The following CC2D2B variants were observed in gnomAD, a reference collection of about 807,000 sequenced individuals.
CC2D2B encodes the protein protein CC2D2B.
CC2D2B carries 128 observed loss-of-function variants against 161.2 expected under a neutral mutation model. The ratio of observed to expected loss-of-function variants is 0.79; its 90% confidence interval spans 0.69 to 0.92. The LOEUF (loss-of-function observed/expected upper bound fraction) is 0.92, where lower values mean the gene tolerates loss of function less well. Among genes scored for constraint, CC2D2B ranks in the 40% least tolerant of loss-of-function variants. The pLI, the probability that CC2D2B is intolerant of heterozygous loss-of-function variation, is 0.00. For missense variants in CC2D2B, 1,173 were observed against 1,375.1 expected (o/e 0.85, Z 2.32); for synonymous variants, 391 against 449.8 (o/e 0.87, Z 1.65).
At chr10:95,990,181 T>C (rs1248676908) in intron 20 of CC2D2B, among the ~76,000 whole-genome samples, 3 of 152,144 alleles carry the variant, frequency 2.0e-5, no homozygotes, top group Non-Finnish European at 2.9e-5. Flanking sequence ...AGTCAGATAA[T>C]TGGAAACACA....
At chr10:95,990,085 C>T (rs894688379) in intron 20 of CC2D2B, among the ~76,000 whole-genome samples, 14 of 152,310 alleles carry the variant, frequency 9.2e-5, no homozygotes, top group Admixed American at 7.2e-4. Flanking sequence ...CACATCTCTT[C>T]AATCTGTCCA....
At chr10:95,907,926 T>G (rs7906654), upstream of CC2D2B, 95,606 of 152,262 alleles carry the variant, frequency 0.63, 30,596 homozygotes, top group Admixed American at 0.7. Flanking sequence ...GGGTCGCCGC[T>G]ACTTGCAGCC....
intron 19 of CC2D2B, among the ~76,000 whole-genome samples, chr10:95,985,452 C>T (rs1037984815): frequency 1.3e-5 from 2 of 152,316 alleles, no homozygotes; most frequent in Admixed American, 6.5e-5. Context: ...AATCTCTTAA[C>T]ATAAATTGTG....
intron 11 of CC2D2B, among the ~76,000 whole-genome samples, chr10:95,961,326 G>A (rs767696799): frequency 1.4e-4 from 21 of 152,146 alleles, no homozygotes; most frequent in Non-Finnish European, 1.2e-4. Flanking sequence ...TCAGAAGTTT[G>A]AGACCAGTGT....
At chr10:95,989,817 G>A (rs1490541176) in intron 20 of CC2D2B, among the ~76,000 whole-genome samples, 1 of 152,176 alleles carries the variant, frequency 6.6e-6, no homozygotes, top group Non-Finnish European at 1.5e-5. Flanking sequence ...GAAACTACAG[G>A]TTTGGTAGTT....
At chr10:95,947,543 A>G (rs1425148642) in intron 9 of CC2D2B, among the ~76,000 whole-genome samples, 2 of 151,986 alleles carry the variant, frequency 1.3e-5, no homozygotes, top group Non-Finnish European at 2.9e-5. Flanking sequence ...GGAGATCAAG[A>G]CTATCCTGGC....
intron 5 of CC2D2B, among the ~76,000 whole-genome samples, chr10:95,926,815 A>AATGTGTGTGTGTGTGT (rs551049168): frequency 7.4e-6 from 1 of 134,946 alleles, no homozygotes; most frequent in Non-Finnish European, 1.6e-5. Flanking sequence ...CTGAGGTGGC[A>AATGTGTGTGTGTGTGT]GTGTGTGTGT....
chr10:95,914,823 T>A (rs956934200), intron 2 of CC2D2B, among the ~76,000 whole-genome samples: 1 of 152,202 alleles, frequency 6.6e-6, no homozygotes, highest in African/African-American at 2.4e-5. Context: ...AGCGTGAGAA[T>A]GGACTAATAG....
In CC2D2B at chr10:96,007,764, G is replaced by C. The variant is rs2078815469; in HGVS notation, c.2947-2061G>C. Among the ~76,000 whole-genome samples the C allele has an allele frequency of 2.6e-5, 4 of 152,180 alleles. No homozygotes were observed. In the South Asian group the frequency reaches 8.3e-4, roughly 32 times the overall value. ...CTTTCCCTAGATTCTCTGGCCTTTG[G>C]TTGATGAAATGAAAAATATAAGTGG... On this transcript the variant is annotated intron_variant, in intron 25 of 34. Transcript: ENST00000646931.
intron 12 of CC2D2B, among the ~76,000 whole-genome samples, chr10:95,965,386 ATAG>A (rs919038303): frequency 6.6e-6 from 1 of 152,028 alleles, no homozygotes; most frequent in African/African-American, 2.4e-5. Flanking sequence ...AGTAGTAGTA[ATAG>A]TAGTAGTAGT....
In CC2D2B at chr10:96,033,371, T is replaced by A. The variant is rs1369792556; in HGVS notation, c.*1363T>A. Among the ~76,000 whole-genome samples the A allele has an allele frequency of 1.3e-5, 2 of 152,240 alleles. No individual in the cohort carries two copies. The highest frequency in any genetic ancestry group is 2.9e-5 in the Non-Finnish European group (2 of 68,034). ...GAAGGAATGTTTTTTTCTCCCAGGT[T>A]AAAACCTAACTGTATGTGTCTTGTG... On this transcript the variant is annotated 3_prime_UTR_variant, in exon 35 of 35. Transcript: ENST00000646931.
chr10:95,956,714 T>C (rs2076579193), intron 11 of CC2D2B, among the ~76,000 whole-genome samples: 1 of 152,176 alleles, frequency 6.6e-6, no homozygotes, highest in African/African-American at 2.4e-5. Flanking sequence ...CCAAAATTCA[T>C]GGATGTTCAA....
chr10:95,989,733 A>C (rs2077875829), intron 20 of CC2D2B, among the ~76,000 whole-genome samples: 1 of 152,180 alleles, frequency 6.6e-6, no homozygotes, highest in Non-Finnish European at 1.5e-5. Flanking sequence ...TTTTGTGTTT[A>C]GATTTTAACT....
chr10:95,916,179 A>G (rs117847109), intron 2 of CC2D2B, among the ~76,000 whole-genome samples: 5,178 of 152,128 alleles, frequency 0.034, 120 homozygotes, highest in Non-Finnish European at 0.05. Context: ...TTTTAAATTT[A>G]TTGGCATATA....
At chr10:95,974,216 ATAT>A (rs1412668358) in intron 17 of CC2D2B, 60 bp downstream of exon 17, 3 of 952,800 alleles carry the variant, frequency 3.1e-6, no homozygotes, top group Non-Finnish European at 4.1e-6. Context: ...CACACAAAAC[ATAT>A]TATGTGTAAA....
chr10:95,933,885 G>T (rs572556272), intron 6 of CC2D2B, among the ~76,000 whole-genome samples: 39 of 152,350 alleles, frequency 2.6e-4, no homozygotes, highest in Middle Eastern at 3.4e-3. Flanking sequence ...GAGGGAGTCT[G>T]TCCCTTAGCA....
chr10:95,931,831 G>C (rs1021112170), intron 6 of CC2D2B, among the ~76,000 whole-genome samples: 1 of 152,208 alleles, frequency 6.6e-6, no homozygotes, highest in African/African-American at 2.4e-5. Flanking sequence ...GTGCAATGTG[G>C]TGCTGAGAAG....
At chr10:95,945,073 G>A (rs1054443026) in intron 9 of CC2D2B, among the ~76,000 whole-genome samples, 21 of 152,126 alleles carry the variant, frequency 1.4e-4, no homozygotes, top group African/African-American at 4.8e-4. Flanking sequence ...CCCTTCCAGC[G>A]GACACAGCAA....
At chr10:96,001,350 C>A (rs1326976271) in intron 24 of CC2D2B, among the ~76,000 whole-genome samples, 1 of 152,074 alleles carries the variant, frequency 6.6e-6, no homozygotes, top group Non-Finnish European at 1.5e-5. Flanking sequence ...GATTAGCCAT[C>A]ATTTTATATT....
Sources: allele counts gnomAD v4.1 joint callset (sites outside exome capture counted in the v4.1 genomes callset), GRCh38; gene constraint gnomAD v4.1.1; transcripts MANE v1.5; gene names NCBI Gene and HGNC (gene_info 2026-07-23, HGNC 2026-07-21).